The following SCHIP1 variants were observed in gnomAD, a reference collection of about 807,000 sequenced individuals.
SCHIP1 encodes the protein schwannomin-interacting protein 1.
SCHIP1 carries 8 observed loss-of-function variants against 29.7 expected under a neutral mutation model. The observed-to-expected ratio is 0.27, with a 90% CI of 0.16 to 0.49. The LOEUF (loss-of-function observed/expected upper bound fraction) is 0.49, where lower values mean the gene tolerates loss of function less well. Ranked by LOEUF, SCHIP1 falls within the 20% of genes least tolerant of loss-of-function variation. The pLI, the probability that SCHIP1 is intolerant of heterozygous loss-of-function variation, is 0.99. For missense variants in SCHIP1, 193 were observed against 294.6 expected (o/e 0.66, Z 2.52); for synonymous variants, 76 against 94.9 (o/e 0.80, Z 1.16).
At chr3:159,729,972 T>C in the SCHIP1 span, among the ~76,000 whole-genome samples, 1 of 152,206 alleles carries the variant, frequency 6.6e-6, no homozygotes, top group African/African-American at 2.4e-5. Flanking sequence ...TGGAATAATA[T>C]CCAAGATATG....
the SCHIP1 span, chr3:159,764,838 C>T: frequency 1.3e-6 from 2 of 1,591,432 alleles, no homozygotes; most frequent in Non-Finnish European, 1.7e-6. The surrounding 1 kb of genome is among the most constrained non-coding windows in gnomAD (Gnocchi z 6.1). Flanking sequence ...GCAACCTCCA[C>T]CAGCACGACC....
the SCHIP1 span, among the ~76,000 whole-genome samples, chr3:159,420,781 C>T: frequency 2.6e-5 from 4 of 152,174 alleles, 1 homozygote; most frequent in South Asian, 8.3e-4. Flanking sequence ...GGAAGCTAGT[C>T]GATTTATTTG....
At chr3:159,627,239 A>G in the SCHIP1 span, among the ~76,000 whole-genome samples, 2 of 152,178 alleles carry the variant, frequency 1.3e-5, no homozygotes, top group African/African-American at 4.8e-5. Flanking sequence ...ATTATAGACC[A>G]TGGACTTCTC....
chr3:159,406,050 A>G, the SCHIP1 span, among the ~76,000 whole-genome samples: 1 of 151,958 alleles, frequency 6.6e-6, no homozygotes. Context: ...GATGAAGTAG[A>G]AAGTTTATTC....
chr3:159,361,278 A>G, the SCHIP1 span, among the ~76,000 whole-genome samples: 1 of 152,248 alleles, frequency 6.6e-6, no homozygotes, highest in Non-Finnish European at 1.5e-5. Context: ...AGGGAAAGTG[A>G]CATTTTAGCA....
the SCHIP1 span, among the ~76,000 whole-genome samples, chr3:159,819,241 G>A: frequency 3.3e-5 from 5 of 152,298 alleles, no homozygotes; most frequent in African/African-American, 1.2e-4. Flanking sequence ...GGGAGCTTGG[G>A]GGAGAGAGAG....
At chr3:159,397,892 G>A in the SCHIP1 span, among the ~76,000 whole-genome samples, 1 of 152,304 alleles carries the variant, frequency 6.6e-6, no homozygotes, top group South Asian at 2.1e-4. Context: ...ACCTAAGCAA[G>A]CCTGGGCAAT....
At chr3:159,479,209 T>C in the SCHIP1 span, among the ~76,000 whole-genome samples, 5 of 152,204 alleles carry the variant, frequency 3.3e-5, no homozygotes, top group Admixed American at 6.6e-5. Flanking sequence ...ATTTTGGCAA[T>C]GATTATCTCT....
At chr3:159,376,865 C>T in the SCHIP1 span, among the ~76,000 whole-genome samples, 1 of 152,212 alleles carries the variant, frequency 6.6e-6, no homozygotes, top group Admixed American at 6.5e-5. Context: ...CTGAGAAAAG[C>T]ACGCTTTATA....
chr3:159,696,352 C>G, the SCHIP1 span, among the ~76,000 whole-genome samples: 5 of 152,134 alleles, frequency 3.3e-5, no homozygotes, highest in Non-Finnish European at 5.9e-5. Context: ...GAATGCCCTT[C>G]TTTCTGTGAA....
the SCHIP1 span, among the ~76,000 whole-genome samples, chr3:159,646,299 C>T: frequency 1.7e-4 from 26 of 152,276 alleles, no homozygotes; most frequent in East Asian, 3.9e-3. Flanking sequence ...TCAGCCTCAG[C>T]TTTTAGCTTA....
the SCHIP1 span, among the ~76,000 whole-genome samples, chr3:159,784,720 C>G: frequency 6.6e-6 from 1 of 152,232 alleles, no homozygotes; most frequent in Non-Finnish European, 1.5e-5. Flanking sequence ...GTGGTGCCAT[C>G]TCAGCTCACT....
At chr3:159,416,411 A>T in the SCHIP1 span, among the ~76,000 whole-genome samples, 1 of 152,202 alleles carries the variant, frequency 6.6e-6, no homozygotes, top group Non-Finnish European at 1.5e-5. Flanking sequence ...CACCCAGTAA[A>T]ATGTCAGTTC....
the SCHIP1 span, among the ~76,000 whole-genome samples, chr3:159,414,419 A>G: frequency 6.6e-6 from 1 of 151,646 alleles, no homozygotes; most frequent in Non-Finnish European, 1.5e-5. Flanking sequence ...CACATTATTA[A>G]GTAGATGTTA....
chr3:159,815,477 T>A, the SCHIP1 span, among the ~76,000 whole-genome samples: 1 of 152,174 alleles, frequency 6.6e-6, no homozygotes, highest in African/African-American at 2.4e-5. Context: ...CTTGGGGGGA[T>A]GAAATGATAT....
the SCHIP1 span, among the ~76,000 whole-genome samples, chr3:159,742,090 G>A: frequency 6.6e-6 from 1 of 152,134 alleles, no homozygotes; most frequent in Non-Finnish European, 1.5e-5. Context: ...GCCGGGTGTG[G>A]TGGCGGGCGC....
the SCHIP1 span, among the ~76,000 whole-genome samples, chr3:159,479,820 C>A: frequency 6.6e-6 from 1 of 152,272 alleles, no homozygotes; most frequent in African/African-American, 2.4e-5. Context: ...TGTTTGTGAA[C>A]TAATATGCAC....
the SCHIP1 span, among the ~76,000 whole-genome samples, chr3:159,513,519 A>G: frequency 6.6e-6 from 1 of 152,108 alleles, no homozygotes; most frequent in African/African-American, 2.4e-5. Context: ...TGAGACTTAG[A>G]TTAAGTGTCT....
At chr3:159,279,675 AT>A in the SCHIP1 span, among the ~76,000 whole-genome samples, 1 of 124,498 alleles carries the variant, frequency 8.0e-6, no homozygotes, top group Admixed American at 7.8e-5. Flanking sequence ...ACCATTGCTA[AT>A]TTCAGTCTTC....
Sources: gnomAD v4.1 joint callset for allele counts (sites outside exome capture counted in the v4.1 genomes callset) on GRCh38, gnomAD v4.1.1 for gene constraint, Gnocchi (gnomAD v3.1) non-coding constraint, MANE v1.5 for transcripts, NCBI Gene and HGNC (gene_info 2026-07-23, HGNC 2026-07-21) for gene names.